The following LUZP2 variants were observed in gnomAD, a reference collection of about 807,000 sequenced individuals.
LUZP2 encodes the protein leucine zipper protein 2.
Under a neutral mutation model 51.6 loss-of-function variants are expected in LUZP2, and 52 were observed. That is an observed-to-expected ratio of 1.01 (90% confidence interval 0.81 to 1.27). LUZP2 has a LOEUF of 1.27. LUZP2 is among the 50% of genes most tolerant of loss of function. The pLI is 0.00. For synonymous variants in LUZP2, 154 were observed against 137.3 expected (o/e 1.12, Z -0.85); for missense variants, 436 against 395.4 (o/e 1.10, Z -0.87).
intron 7 of LUZP2, among the ~76,000 whole-genome samples, chr11:24,973,838 G>T (rs1237259886): frequency 6.6e-6 from 1 of 151,908 alleles, no homozygotes; most frequent in African/African-American, 2.4e-5. Flanking sequence ...TTACCGAGGA[G>T]TGTTTTACTT....
chr11:25,061,256 T>C (rs1162955021), intron 10 of LUZP2, among the ~76,000 whole-genome samples: 1 of 152,194 alleles, frequency 6.6e-6, no homozygotes, highest in Non-Finnish European at 1.5e-5. Context: ...ACAGAGATTA[T>C]GTAATTACCA....
chr11:24,776,600 G>A (rs1848933791), intron 5 of LUZP2, among the ~76,000 whole-genome samples: 1 of 152,038 alleles, frequency 6.6e-6, no homozygotes, highest in Admixed American at 6.6e-5. Context: ...TGTAATCATT[G>A]CTGTTCCCAA....
intron 1 of LUZP2, among the ~76,000 whole-genome samples, chr11:24,498,345 G>A (rs1849893002): frequency 6.6e-6 from 1 of 152,128 alleles, no homozygotes; most frequent in Non-Finnish European, 1.5e-5. Context: ...TTCTGAAATG[G>A]AAAAGGATGA....
At chr11:24,789,805 G>A (rs1021532845) in intron 5 of LUZP2, among the ~76,000 whole-genome samples, 2 of 152,164 alleles carry the variant, frequency 1.3e-5, no homozygotes, top group Admixed American at 6.6e-5. Context: ...TGGGCTTCTT[G>A]TATAAGGGCA....
rs376380255 is a variant in LUZP2, at chr11:25,020,588, G to T, written c.766-29450G>T. Reference sequence around the variant, plus strand: ...TTTTTGCAGAGTTATATTCTTGGTGGTGTTGTATATAGCAATAAATTGATT... The same window carrying T: ...TTTTTGCAGAGTTATATTCTTGGTGTTGTTGTATATAGCAATAAATTGATT... On this transcript the variant is annotated intron_variant, in intron 9 of 11. Coordinates refer to ENST00000336930, the MANE Select transcript of LUZP2 (RefSeq NM_001009909.4). Among the ~76,000 whole-genome samples, 3 of 151,886 alleles carry T rather than the reference G, an allele frequency of 2.0e-5. No individual in the cohort carries two copies. The East Asian group carries it at 5.8e-4, about 29-fold the overall frequency.
intron 1 of LUZP2, among the ~76,000 whole-genome samples, chr11:24,564,356 A>T (rs2133779979): frequency 6.6e-6 from 1 of 152,314 alleles, no homozygotes; most frequent in Admixed American, 6.5e-5. Flanking sequence ...CTAATAAAGT[A>T]AAATTTGTTT....
intron 1 of LUZP2, among the ~76,000 whole-genome samples, chr11:24,579,090 G>A (rs1277171698): frequency 6.6e-6 from 1 of 151,992 alleles, no homozygotes; most frequent in East Asian, 1.9e-4. Context: ...TATATTAAAT[G>A]TTTGATTACA....
chr11:24,840,042 A>C (rs1322539094), intron 5 of LUZP2, among the ~76,000 whole-genome samples: 1 of 151,772 alleles, frequency 6.6e-6, no homozygotes, highest in African/African-American at 2.4e-5. Flanking sequence ...TTAATTGGTA[A>C]ATAATACAAA....
intron 1 of LUZP2, among the ~76,000 whole-genome samples, chr11:24,554,767 A>C (rs764657238): frequency 6.8e-6 from 1 of 147,954 alleles, no homozygotes; most frequent in Non-Finnish European, 1.5e-5. Context: ...GACTATATTG[A>C]AAATGGGTCA....
intron 7 of LUZP2, among the ~76,000 whole-genome samples, chr11:24,930,693 T>A (rs569189211): frequency 6.6e-6 from 1 of 152,310 alleles, no homozygotes; most frequent in East Asian, 1.9e-4. Flanking sequence ...ACCTGATGAC[T>A]ATGTGCCTAG....
intron 4 of LUZP2, among the ~76,000 whole-genome samples, chr11:24,746,671 T>G (rs914480240): frequency 3.3e-5 from 5 of 152,220 alleles, no homozygotes; most frequent in African/African-American, 1.2e-4. Flanking sequence ...TTTATCTTCT[T>G]TCACAGGAAC....
chr11:24,860,323 G>T (rs1851702242), intron 5 of LUZP2, among the ~76,000 whole-genome samples: 1 of 152,174 alleles, frequency 6.6e-6, no homozygotes, highest in Non-Finnish European at 1.5e-5. Context: ...AGTGGGAGGG[G>T]TGGCTGCAGC....
intron 1 of LUZP2, among the ~76,000 whole-genome samples, chr11:24,610,067 A>C (rs1270234687): frequency 6.6e-6 from 1 of 152,220 alleles, no homozygotes; most frequent in Non-Finnish European, 1.5e-5. Flanking sequence ...CAAAGAAACA[A>C]TCACTCAAAT....
At chr11:24,963,966 C>T (rs935666544) in intron 7 of LUZP2, among the ~76,000 whole-genome samples, 18 of 152,188 alleles carry the variant, frequency 1.2e-4, no homozygotes, top group Admixed American at 5.2e-4. Flanking sequence ...CTGCAATAAA[C>T]ATGGGAATGC....
chr11:24,628,744 A>G (rs1411551954), intron 1 of LUZP2, among the ~76,000 whole-genome samples: 1 of 152,038 alleles, frequency 6.6e-6, no homozygotes, highest in Admixed American at 6.6e-5. Flanking sequence ...TTTTTAGTAG[A>G]GTCAGGGTTT....
chr11:24,752,012 G>C (rs1345713244), intron 4 of LUZP2, among the ~76,000 whole-genome samples: 1 of 151,966 alleles, frequency 6.6e-6, no homozygotes, highest in East Asian at 1.9e-4. Flanking sequence ...GTATAAGAAA[G>C]AAAATAGTAA....
In LUZP2 at chr11:25,045,169, G is replaced by T. The variant is rs556313836; in HGVS notation, c.766-4869G>T. Among the ~76,000 whole-genome samples, 495 of 151,796 alleles carry T rather than the reference G, an allele frequency of 3.3e-3. 3 individuals are homozygous for T. Among genetic ancestry groups the T allele is most frequent in the African/African-American group, 0.011 (471 of 41,424 alleles). On this transcript the variant is annotated intron_variant, in intron 9 of 11. Coordinates refer to ENST00000336930, the MANE Select transcript of LUZP2 (RefSeq NM_001009909.4). ...ACATGTATACATATGTAACAAACCTGCACGTTGTGCACATGTGCCCTAAAA... is the reference window on the plus strand; with the variant it reads ...ACATGTATACATATGTAACAAACCTTCACGTTGTGCACATGTGCCCTAAAA...
chr11:25,006,195 A>C (rs1207928295), intron 9 of LUZP2, among the ~76,000 whole-genome samples: 1 of 152,076 alleles, frequency 6.6e-6, no homozygotes, highest in African/African-American at 2.4e-5. Flanking sequence ...TTTATACTAG[A>C]AATCATTCTT....
At chr11:24,718,713 A>G (rs993051719) in intron 1 of LUZP2, among the ~76,000 whole-genome samples, 3 of 152,218 alleles carry the variant, frequency 2.0e-5, no homozygotes, top group Admixed American at 2.0e-4. Flanking sequence ...ATAAAATATT[A>G]TAATACTAAA....
Sources: allele counts gnomAD v4.1 joint callset (sites outside exome capture counted in the v4.1 genomes callset), GRCh38; gene constraint gnomAD v4.1.1; transcripts MANE v1.5; gene names NCBI Gene and HGNC (gene_info 2026-07-23, HGNC 2026-07-21).